Variants in SLC51A observed in about 807,000 individuals in gnomAD.
SLC51A encodes the protein organic solute transporter subunit alpha.
In SLC51A, 22 loss-of-function variants were observed where a neutral mutation model predicts 34.8. The ratio of observed to expected loss-of-function variants is 0.63; its 90% CI spans 0.45 to 0.90. The LOEUF (loss-of-function observed/expected upper bound fraction) is 0.90. SLC51A is among the 40% of genes least tolerant of loss of function. SLC51A has a pLI of 0.00. For missense variants in SLC51A, 371 were observed against 414.8 expected (o/e 0.89, Z 0.92); for synonymous variants, 181 against 176.3 (o/e 1.03, Z -0.21).
intron 7 of SLC51A, 82 bp downstream of exon 7, chr3:196,230,143 T>C: frequency 7.6e-7 from 1 of 1,317,878 alleles, no homozygotes; most frequent in Non-Finnish European, 1.0e-6. Context: ...CAATAAAGGC[T>C]AAAGTGGGCC....
At chr3:196,222,002 G>GC (rs955662891) in intron 2 of SLC51A, among the ~76,000 whole-genome samples, 19 of 151,938 alleles carry the variant, frequency 1.3e-4, no homozygotes, top group African/African-American at 4.3e-4. Context: ...ACAGGCGTGA[G>GC]CCCCCCCGCC....
chr3:196,232,942 TA>T, intron 8 of SLC51A, 120 bp from the exon 9 acceptor site: 1 of 1,009,498 alleles, frequency 9.9e-7, no homozygotes, highest in Non-Finnish European at 1.5e-6. Flanking sequence ...TTCGTATCCC[TA>T]AGTCCTGATT....
At chr3:196,227,148 G>A in intron 3 of SLC51A, 29 bp downstream of exon 3, 7 of 1,606,212 alleles carry the variant, frequency 4.4e-6, no homozygotes, top group Non-Finnish European at 5.9e-6. Context: ...CCCTGTGGGG[G>A]GAACTGAAAA....
rs554546511 is a variant in SLC51A, at chr3:196,228,485, C to T, written c.521+212C>T. On this transcript the variant is annotated intron_variant, in intron 5 of 8. Coordinates refer to ENST00000296327, the MANE Select transcript of SLC51A (RefSeq NM_152672.6). The surrounding 1 kb of genome is among the most constrained non-coding windows in gnomAD (Gnocchi z 4.9). ...CAATTGTCATCACTGAACTTCACTGCACCCTGCAAGCCTTAGCCACACAGA... is the reference window on the plus strand; with the variant it reads ...CAATTGTCATCACTGAACTTCACTGTACCCTGCAAGCCTTAGCCACACAGA... The T allele has an allele frequency of 4.6e-6, 3 of 645,710 alleles. No homozygotes were observed. Among genetic ancestry groups the T allele is most frequent in the African/African-American group, 1.8e-5 (1 of 54,888 alleles). 40.0% of individuals were successfully genotyped at this position (645,710 alleles called of 1,614,324 possible). A position where few individuals can be genotyped will look rare whatever the true frequency, so the allele number is the denominator to read the frequency against.
intron 7 of SLC51A, among the ~76,000 whole-genome samples, chr3:196,230,645 C>T (rs948452902): frequency 2.6e-5 from 4 of 151,994 alleles, no homozygotes; most frequent in Non-Finnish European, 4.4e-5. Flanking sequence ...CCACCACGCC[C>T]GGCTAATTTT....
At position 196,224,715 on chromosome 3, in the gene SLC51A, GGAGGGGAGGA is replaced by G. The variant is rs370276875; in HGVS notation, c.134-2231_134-2222del. 4.5e-3 allele frequency among the ~76,000 whole-genome samples: 334 copies of G among 74,568 alleles called. 4 individuals are homozygous for G. The highest frequency in any genetic ancestry group is 0.017 in the East Asian group (5 of 300). 48.9% of individuals were successfully genotyped at this position (74,568 alleles called of 152,430 possible). A position where few individuals can be genotyped will look rare whatever the true frequency, so the allele number is the denominator to read the frequency against. Reference sequence around the variant, plus strand: ...GGCGGGGCGGGGGGGGGAGGAGATGGGAGGGGAGGAGAGGGGAGGAGAGGGGAGAGGGGAG... The same window carrying G: ...GGCGGGGCGGGGGGGGGAGGAGATGGGAGGGGAGGAGAGGGGAGAGGGGAG... On this transcript the variant is annotated intron_variant, in intron 2 of 8. Transcript: ENST00000296327.
At position 196,229,917 on chromosome 3, in the gene SLC51A, T is replaced by A. The variant is rs777053566; in HGVS notation, c.636T>A (p.Ile212=). 2.5e-6 allele frequency: 4 copies of A among 1,595,888 alleles called. No homozygotes were observed. Among genetic ancestry groups the A allele is most frequent in the South Asian group, 1.1e-5 (1 of 88,390 alleles). Residue 212 remains isoleucine, a splice_region_variant and synonymous_variant, in exon 7 of 9, where the codon ATT becomes ATA. Coordinates refer to ENST00000296327, the MANE Select transcript of SLC51A (RefSeq NM_152672.6). The part of the protein sequence containing the change: ...VPDGIYDPAD[I]SEGSTALWIN... The stretch of plus-strand genomic sequence containing the variant: ...TGACTACTTTCTGTTGCCACCAGAT[T>A]TCTGAGGGGAGCACAGCTCTATGGA...
intron 7 of SLC51A, 41 bp from the exon 8 acceptor site, chr3:196,232,378 G>A (rs892522013): frequency 2.6e-6 from 4 of 1,528,794 alleles, no homozygotes; most frequent in African/African-American, 2.7e-5. Context: ...TGCCGTGAGG[G>A]CAGGCCCAGT....
chr3:196,227,992 C>T (rs552125150), intron 4 of SLC51A, 123 bp from the exon 5 acceptor site: 9 of 1,324,996 alleles, frequency 6.8e-6, no homozygotes, highest in African/African-American at 4.4e-5. Flanking sequence ...TCTCCCTCGC[C>T]CCTCTTGGGT....
intron 6 of SLC51A, 160 bp from the exon 7 acceptor site, chr3:196,229,755 G>T: frequency 1.4e-6 from 1 of 710,316 alleles, no homozygotes; most frequent in Non-Finnish European, 2.1e-6. Flanking sequence ...TCAGAAGCCT[G>T]AGGCGAGGGG....
chr3:196,224,693 G>A (rs954279976), intron 2 of SLC51A, among the ~76,000 whole-genome samples: 16 of 88,618 alleles, frequency 1.8e-4, no homozygotes, highest in East Asian at 2.2e-3. Flanking sequence ...AGAAGGGGGC[G>A]GGGCGGGGGG....
At chr3:196,217,752 C>A (rs918638901) in intron 1 of SLC51A, 90 bp from the exon 2 acceptor site, 2 of 998,282 alleles carry the variant, frequency 2.0e-6, no homozygotes, top group African/African-American at 3.2e-5. Flanking sequence ...GGACAAAGTC[C>A]TGCACTCAGG....
chr3:196,226,869 G>C, intron 2 of SLC51A, 96 bp from the exon 3 acceptor site: 1 of 1,262,532 alleles, frequency 7.9e-7, no homozygotes. Flanking sequence ...ACGGGTGGGA[G>C]CCTAGATCCA....
chr3:196,219,549 T>A (rs1433740805), intron 2 of SLC51A, among the ~76,000 whole-genome samples: 1 of 151,820 alleles, frequency 6.6e-6, no homozygotes, highest in Non-Finnish European at 1.5e-5. Flanking sequence ...ACCAGAGCGG[T>A]TGCCAACTGC....
At chr3:196,226,671 G>A in intron 2 of SLC51A, 1 of 198,814 alleles carries the variant, frequency 5.0e-6, no homozygotes, top group Non-Finnish European at 1.0e-5. Context: ...CTACTTGGGA[G>A]GCTGAGGCAG....
In SLC51A at chr3:196,233,271, T is replaced by C; in HGVS notation, c.*72T>C. 6.5e-7 allele frequency: 1 copy of C among 1,531,002 alleles called. No individual in the cohort carries two copies. The highest frequency in any genetic ancestry group is 8.9e-7 in the Non-Finnish European group (1 of 1,128,336). 94.8% of individuals were successfully genotyped at this position (1,531,002 alleles called of 1,614,324 possible). ...AAGATTCCTTTACTGTCCCTCAACCTTGACCAAATGGGAAGCATTCCCCCT... is the reference window on the plus strand; with the variant it reads ...AAGATTCCTTTACTGTCCCTCAACCCTGACCAAATGGGAAGCATTCCCCCT... On this transcript the variant is annotated 3_prime_UTR_variant, in exon 9 of 9. Transcript: ENST00000296327.
chr3:196,232,834 A>T, intron 8 of SLC51A: 1 of 592,502 alleles, frequency 1.7e-6, no homozygotes, highest in South Asian at 2.0e-5. Flanking sequence ...TTGAACACAC[A>T]TAAGAAATGG....
At position 196,228,063 on chromosome 3, in the gene SLC51A, G is replaced by C; in HGVS notation, c.363-52G>C. On this transcript the variant is annotated intron_variant, in intron 4 of 8. Coordinates refer to ENST00000296327, the MANE Select transcript of SLC51A (RefSeq NM_152672.6). The surrounding 1 kb of genome is among the most constrained non-coding windows in gnomAD (Gnocchi z 4.9). ...TCAGTAAGCCCCACCTCTCCCTGCT[G>C]TCTTTCTCTCTGGCAGCAGACCTCG... 1 of 1,581,190 alleles carries C rather than the reference G, an allele frequency of 6.3e-7. No individual in the cohort carries two copies. Among genetic ancestry groups the C allele is most frequent in the South Asian group, 1.2e-5 (1 of 85,044 alleles).
chr3:196,221,965 G>A lies in SLC51A; in HGVS notation c.133+4029G>A, dbSNP rs1354360253. Among the ~76,000 whole-genome samples the A allele has an allele frequency of 2.0e-5, 3 of 152,142 alleles. No individual in the cohort carries two copies. In the East Asian group the frequency reaches 5.9e-4, roughly 30 times the overall value. The stretch of plus-strand genomic sequence containing the variant: ...GATCTCCTGACCTCGTGATCCGCCC[G>A]CCTCGGCCTCCCAATGTGCTGGGAT... On this transcript the variant is annotated intron_variant, in intron 2 of 8. Transcript: ENST00000296327.
Sources: gnomAD v4.1 joint callset for allele counts (sites outside exome capture counted in the v4.1 genomes callset) on GRCh38, gnomAD v4.1.1 for gene constraint, Gnocchi (gnomAD v3.1) non-coding constraint, MANE v1.5 for transcripts, NCBI Gene and HGNC (gene_info 2026-07-23, HGNC 2026-07-21) for gene names.